SHB: variants seen among roughly 807,000 people sequenced by gnomAD.
The protein encoded by SHB is SH2 domain containing adaptor protein B.
SHB carries 20 observed loss-of-function variants against 52.3 expected under a neutral mutation model. The ratio of observed to expected loss-of-function variants is 0.38; its 90% confidence interval spans 0.27 to 0.56. The LOEUF (loss-of-function observed/expected upper bound fraction) is 0.56. Among genes scored for constraint, SHB ranks in the 20% least tolerant of loss-of-function variants. The pLI is 0.71. For missense variants in SHB, 825 were observed against 723.3 expected (o/e 1.14, Z -1.61); for synonymous variants, 397 against 316.5 (o/e 1.25, Z -2.70).
chr9:38,037,456 G>T (rs1821502944), intron 1 of SHB, among the ~76,000 whole-genome samples: 1 of 152,132 alleles, frequency 6.6e-6, no homozygotes, highest in African/African-American at 2.4e-5. Context: ...ATCACTGCAT[G>T]TTCAAATTCT....
intron 1 of SHB, among the ~76,000 whole-genome samples, chr9:38,044,009 G>A (rs943446011): frequency 7.9e-5 from 12 of 152,264 alleles, no homozygotes; most frequent in Non-Finnish European, 1.0e-4. Context: ...AGCACACCAA[G>A]GTGTTGACCT....
At chr9:37,920,178 C>T (rs1031300554) in intron 5 of SHB, among the ~76,000 whole-genome samples, 174 bp from the exon 6 acceptor site, 4 of 152,052 alleles carry the variant, frequency 2.6e-5, no homozygotes, top group African/African-American at 7.2e-5. Context: ...TGCACCCAAG[C>T]GCACCCCCAA....
chr9:38,041,235 C>T (rs888502119), intron 1 of SHB, among the ~76,000 whole-genome samples: 11 of 152,198 alleles, frequency 7.2e-5, no homozygotes, highest in South Asian at 4.1e-4. Context: ...CTGCATTTTA[C>T]CTTTGCCCAG....
At chr9:38,002,968 C>G (rs544302369) in intron 2 of SHB, among the ~76,000 whole-genome samples, 1 of 152,130 alleles carries the variant, frequency 6.6e-6, no homozygotes, top group Non-Finnish European at 1.5e-5. Flanking sequence ...TTTATTAGTA[C>G]GGAGCCTTGG....
chr9:38,028,719 C>G (rs149415013), intron 1 of SHB, among the ~76,000 whole-genome samples: 2 of 152,242 alleles, frequency 1.3e-5, no homozygotes, highest in Non-Finnish European at 2.9e-5. Context: ...AAACAAAATC[C>G]TTTCTGGCAT....
At chr9:37,921,795 A>G (rs1020095518) in intron 5 of SHB, among the ~76,000 whole-genome samples, 2 of 152,334 alleles carry the variant, frequency 1.3e-5, no homozygotes, top group East Asian at 3.9e-4. Flanking sequence ...GCAAAGACTC[A>G]CCTACCCACC....
At chr9:37,971,567 GC>G (rs1430859450) in intron 3 of SHB, among the ~76,000 whole-genome samples, 2 of 152,170 alleles carry the variant, frequency 1.3e-5, no homozygotes, top group Non-Finnish European at 2.9e-5. Flanking sequence ...GCAGAACTGA[GC>G]CAAAAGCAGC....
At chr9:37,964,912 C>T (rs1832731995) in intron 3 of SHB, among the ~76,000 whole-genome samples, 1 of 152,240 alleles carries the variant, frequency 6.6e-6, no homozygotes, top group Non-Finnish European at 1.5e-5. Context: ...GAGCTCCTTC[C>T]TGAGTTCCGG....
intron 1 of SHB, among the ~76,000 whole-genome samples, chr9:38,034,739 C>G (rs1040314379): frequency 1.3e-5 from 2 of 152,362 alleles, no homozygotes; most frequent in Non-Finnish European, 1.5e-5. Flanking sequence ...CTCTGCCACC[C>G]AGGCTGGAGT....
At chr9:38,021,328 G>A (rs565858702) in intron 1 of SHB, among the ~76,000 whole-genome samples, 1 of 150,108 alleles carries the variant, frequency 6.7e-6, no homozygotes, top group South Asian at 2.1e-4. Flanking sequence ...CAGTAAGAGC[G>A]AAACTCTGTC....
intron 2 of SHB, among the ~76,000 whole-genome samples, chr9:38,010,569 C>T (rs1821127282): frequency 1.3e-5 from 2 of 152,202 alleles, no homozygotes; most frequent in Non-Finnish European, 2.9e-5. Flanking sequence ...GGATGCCTGA[C>T]TCAGTTCTCA....
intron 2 of SHB, among the ~76,000 whole-genome samples, chr9:37,977,141 A>G (rs1162773521): frequency 2.6e-5 from 4 of 152,146 alleles, no homozygotes. Flanking sequence ...CACTTTTTAG[A>G]TAAAATAAAC....
chr9:38,041,287 G>A (rs1037899734), intron 1 of SHB, among the ~76,000 whole-genome samples: 1 of 152,138 alleles, frequency 6.6e-6, no homozygotes, highest in Admixed American at 6.5e-5. Context: ...CCATGCACAC[G>A]CACCGGTGAA....
chr9:38,019,932 C>T (rs1210423347), intron 1 of SHB, among the ~76,000 whole-genome samples: 1 of 151,976 alleles, frequency 6.6e-6, no homozygotes, highest in African/African-American at 2.4e-5. Context: ...TGTGAGCTGG[C>T]ACAGCACTCC....
intron 2 of SHB, among the ~76,000 whole-genome samples, chr9:37,992,857 G>A (rs540498433): frequency 4.0e-4 from 57 of 144,098 alleles, no homozygotes; most frequent in South Asian, 4.6e-4. Flanking sequence ...CACCATATAC[G>A]TATATGCATG....
intron 3 of SHB, among the ~76,000 whole-genome samples, chr9:37,962,001 T>C (rs1356480954): frequency 6.6e-6 from 1 of 152,198 alleles, no homozygotes; most frequent in African/African-American, 2.4e-5. Flanking sequence ...GTGACTCGAC[T>C]CACAGTTTAG....
intron 2 of SHB, among the ~76,000 whole-genome samples, chr9:37,995,179 C>T (rs1335014665): frequency 6.6e-6 from 1 of 152,118 alleles, no homozygotes; most frequent in African/African-American, 2.4e-5. Flanking sequence ...CAGCTGCCAC[C>T]ACACAGACAC....
rs746898377 is a variant in SHB at position 38,068,175 on chromosome 9, G to A, written c.471C>T (p.Gly157=). The A allele has an allele frequency of 1.4e-6, 2 of 1,431,478 alleles. No individual in the cohort carries two copies. Among genetic ancestry groups the A allele is most frequent in the East Asian group, 2.9e-5 (1 of 34,388 alleles). The allele number at this position is 1,431,478 out of a possible 1,614,324, so 88.7% of individuals were successfully genotyped here. A position where few individuals can be genotyped will look rare whatever the true frequency, so the allele number is the denominator to read the frequency against. The change falls in exon 1 of 6, where the codon GGC becomes GGT. Residue 157 remains glycine (G), a synonymous_variant. Transcript: ENST00000377707. Reference sequence around the variant, plus strand: ...TGCTGCTGCGGTAGAGATGCGGAGAGCCGGAGGACGAGGACGAGGACGCGG... The same window carrying A: ...TGCTGCTGCGGTAGAGATGCGGAGAACCGGAGGACGAGGACGAGGACGCGG... ...GAAASSSSSS[G]SPHLYRSSSE...
intron 5 of SHB, among the ~76,000 whole-genome samples, chr9:37,946,110 T>G (rs1453479712): frequency 6.6e-6 from 1 of 151,906 alleles, no homozygotes; most frequent in Non-Finnish European, 1.5e-5. Flanking sequence ...CCATACGCAG[T>G]GCACAGATGA....
Sources: allele counts gnomAD v4.1 joint callset (sites outside exome capture counted in the v4.1 genomes callset), GRCh38; gene constraint gnomAD v4.1.1; transcripts MANE v1.5; gene names NCBI Gene and HGNC (gene_info 2026-07-23, HGNC 2026-07-21).